The following NDUFS1 variants were observed in gnomAD, a reference collection of about 807,000 sequenced individuals.
The protein encoded by NDUFS1 is NADH-ubiquinone oxidoreductase 75 kDa subunit, mitochondrial.
Under a neutral mutation model 84.4 loss-of-function variants are expected in NDUFS1, and 61 were observed. That is an observed-to-expected ratio of 0.72 (90% CI 0.59 to 0.89). The LOEUF (loss-of-function observed/expected upper bound fraction) is 0.89. Ranked by LOEUF, NDUFS1 falls within the 40% of genes least tolerant of loss-of-function variation. NDUFS1 has a pLI of 0.00. For missense variants in NDUFS1, 891 were observed against 890.0 expected, an observed-to-expected ratio of 1.00 and a Z score of -0.01; for synonymous variants, 275 against 290.0, an observed-to-expected ratio of 0.95 and a Z score of 0.53.
In NDUFS1 at chr2:206,149,362, G is replaced by A. The variant is rs374525740; in HGVS notation, c.262-266C>T. ...TCAATGCAATTTTTTATTCTGCTCTGAAACAGAACACCAAATAACTGCTTT... is the reference window on the plus strand; with the variant it reads ...TCAATGCAATTTTTTATTCTGCTCTAAAACAGAACACCAAATAACTGCTTT... On this transcript the variant is annotated intron_variant, in intron 4 of 18. Coordinates refer to ENST00000233190, the MANE Select transcript of NDUFS1 (RefSeq NM_005006.7). Among the ~76,000 whole-genome samples, 8 of 152,054 alleles carry A rather than the reference G, an allele frequency of 5.3e-5. No homozygotes were observed. In the East Asian group the frequency reaches 5.8e-4, roughly 11 times the overall value.
Position 206,124,220 on chromosome 2 carries a change from C to A in NDUFS1, c.2149G>T (p.Gly717Cys). Residue 717 changes from glycine (G) to cysteine (C), a missense_variant, in exon 19 of 19, where the codon GGT becomes TGT. Transcript: ENST00000233190. ...GATGGTTCCTCTACTGCCTGGGCACCCTCTGTGACAGCTTTGACACATTTG... is the reference window on the plus strand; with the variant it reads ...GATGGTTCCTCTACTGCCTGGGCACACTCTGTGACAGCTTTGACACATTTG... ...MAKCVKAVTEGAQAVEEPSIC is the reference protein window; with the variant it reads ...MAKCVKAVTECAQAVEEPSIC 1 of 1,613,512 alleles carries A rather than the reference C, an allele frequency of 6.2e-7. No individual in the cohort carries two copies. Among genetic ancestry groups the A allele is most frequent in the Non-Finnish European group, 8.5e-7 (1 of 1,179,490 alleles).
At chr2:206,124,391 G>A in intron 18 of NDUFS1, 115 bp from the exon 19 acceptor site, 2 of 765,152 alleles carry the variant, frequency 2.6e-6, no homozygotes, top group Non-Finnish European at 4.5e-6. Context: ...CCCTATGCAA[G>A]TATATATAAT....
At chr2:206,143,317 G>A (rs574079659) in intron 10 of NDUFS1, among the ~76,000 whole-genome samples, 3 of 152,186 alleles carry the variant, frequency 2.0e-5, no homozygotes, top group African/African-American at 7.2e-5. Context: ...AAAAGCTGCA[G>A]AGGTGTTATG....
At chr2:206,152,232 T>C (rs1386064871) in intron 3 of NDUFS1, among the ~76,000 whole-genome samples, 187 bp downstream of exon 3, 2 of 152,204 alleles carry the variant, frequency 1.3e-5, no homozygotes, top group Admixed American at 6.5e-5. Context: ...TCACTAAAAA[T>C]GCCACAAACA....
intron 3 of NDUFS1, among the ~76,000 whole-genome samples, chr2:206,151,780 A>G (rs1201152321): frequency 1.3e-5 from 2 of 152,218 alleles, no homozygotes; most frequent in Non-Finnish European, 2.9e-5. Context: ...GTTATATGAA[A>G]ATGAAAAGCA....
intron 15 of NDUFS1, among the ~76,000 whole-genome samples, 178 bp from the exon 16 acceptor site, chr2:206,128,150 C>T (rs955954873): frequency 6.6e-6 from 1 of 152,048 alleles, no homozygotes; most frequent in African/African-American, 2.4e-5. Flanking sequence ...CCTAATTCAA[C>T]TCCCTTCCCA....
intron 5 of NDUFS1, among the ~76,000 whole-genome samples, 199 bp downstream of exon 5, chr2:206,148,821 A>C (rs1692258135): frequency 6.6e-6 from 1 of 152,172 alleles, no homozygotes; most frequent in African/African-American, 2.4e-5. Flanking sequence ...TTTAATGCTG[A>C]TCCTAAAGCT....
intron 1 of NDUFS1, chr2:206,159,047 GA>G: frequency 1.3e-6 from 2 of 1,531,480 alleles, no homozygotes; most frequent in Non-Finnish European, 1.7e-6. Flanking sequence ...CTCTGAGAGG[GA>G]AATGTCCTGA....
chr2:206,149,905 C>T lies in NDUFS1; in HGVS notation c.174G>A (p.Met58Ile). The T allele has an allele frequency of 7.4e-7, 1 of 1,358,114 alleles. No homozygotes were observed. The highest frequency in any genetic ancestry group is 1.0e-6 in the Non-Finnish European group (1 of 968,938). The allele number at this position is 1,358,114 out of a possible 1,614,324, so 84.1% of individuals were successfully genotyped here. A position where few individuals can be genotyped will look rare whatever the true frequency, so the allele number is the denominator to read the frequency against. Residue 58 changes from methionine (M) to isoleucine (I), a missense_variant, in exon 4 of 19, where the codon ATG (methionine) becomes ATA (isoleucine). Met to Ile is a conservative substitution (Grantham distance 10). Coordinates refer to ENST00000233190, the MANE Select transcript of NDUFS1 (RefSeq NM_005006.7). ...CATGATAACAGAATCGAGGGATCTG[C>T]ATGCCAACCTTCTCACAAGCCTAGA... ...TVLQACEKVG[M>I]QIPRFCYHER...
At position 206,149,107 on chromosome 2, in the gene NDUFS1, A is replaced by G; in HGVS notation, c.262-11T>C. 1.3e-6 allele frequency: 2 copies of G among 1,597,858 alleles called. No individual in the cohort carries two copies. The highest frequency in any genetic ancestry group is 2.2e-5 in the East Asian group (1 of 44,726). ...ACAAGCAGCTACAACCTGGGATTTC[A>G]ATGAAAAAAAAAAATGTGTATTTGT... On this transcript the variant is annotated splice_polypyrimidine_tract_variant and intron_variant, in intron 4 of 18. Coordinates refer to ENST00000233190, the MANE Select transcript of NDUFS1 (RefSeq NM_005006.7).
At chr2:206,150,683 T>G (rs895257020) in intron 3 of NDUFS1, among the ~76,000 whole-genome samples, 1 of 152,204 alleles carries the variant, frequency 6.6e-6, no homozygotes, top group African/African-American at 2.4e-5. Context: ...GCTGATTATG[T>G]CCAAACCTTA....
At chr2:206,147,199 T>A in intron 7 of NDUFS1, 111 bp from the exon 8 acceptor site, 10 of 1,097,976 alleles carry the variant, frequency 9.1e-6, no homozygotes, top group Non-Finnish European at 1.4e-5. Flanking sequence ...AATGAGTATA[T>A]TTTTAAAGGT....
chr2:206,157,817 T>G (rs992202109), intron 1 of NDUFS1, among the ~76,000 whole-genome samples: 1 of 152,194 alleles, frequency 6.6e-6, no homozygotes, highest in Admixed American at 6.5e-5. Context: ...TGACTAATCA[T>G]TTCTTAAACT....
In NDUFS1 at chr2:206,146,474, G is replaced by A. The variant is rs534775602; in HGVS notation, c.737+429C>T. The stretch of plus-strand genomic sequence containing the variant: ...TTTCTTGGTTTAATCAGGAGAATGA[G>A]AGATATACACAGAAATGTGTAAACA... On this transcript the variant is annotated intron_variant, in intron 8 of 18. Coordinates refer to ENST00000233190, the MANE Select transcript of NDUFS1 (RefSeq NM_005006.7). 3.3e-5 allele frequency among the ~76,000 whole-genome samples: 5 copies of A among 151,924 alleles called. No individual in the cohort carries two copies. The South Asian group carries it at 1.0e-3, about 32-fold the overall frequency.
At chr2:206,124,301 T>A in intron 18 of NDUFS1, 25 bp from the exon 19 acceptor site, 1 of 1,547,874 alleles carries the variant, frequency 6.5e-7, no homozygotes, top group Non-Finnish European at 8.9e-7. Context: ...GAAAATGTCA[T>A]TTTGATAATA....
intron 14 of NDUFS1, among the ~76,000 whole-genome samples, chr2:206,130,632 G>T (rs1390182493): frequency 1.3e-5 from 2 of 152,068 alleles, no homozygotes; most frequent in East Asian, 3.8e-4. Flanking sequence ...TGGGATTACG[G>T]GTGTGAGCCA....
At chr2:206,126,658 G>A in intron 17 of NDUFS1, 47 bp from the exon 18 acceptor site, 1 of 1,614,086 alleles carries the variant, frequency 6.2e-7, no homozygotes, top group East Asian at 2.2e-5. Context: ...AACTAGTACT[G>A]TTACACCAGT....
At chr2:206,152,353 G>A in intron 3 of NDUFS1, 66 bp downstream of exon 3, 1 of 1,158,756 alleles carries the variant, frequency 8.6e-7, no homozygotes, top group Non-Finnish European at 1.3e-6. Flanking sequence ...TCAGTATAAA[G>A]GAAATAAATT....
chr2:206,145,300 A>T (rs1209097360), intron 8 of NDUFS1, among the ~76,000 whole-genome samples: 5 of 151,946 alleles, frequency 3.3e-5, no homozygotes, highest in Non-Finnish European at 7.4e-5. Context: ...CATTTTAAAA[A>T]TTTTTTGTAG....
Sources: gnomAD v4.1 joint callset for allele counts (sites outside exome capture counted in the v4.1 genomes callset) on GRCh38, gnomAD v4.1.1 for gene constraint, MANE v1.5 for transcripts, NCBI Gene and HGNC (gene_info 2026-07-23, HGNC 2026-07-21) for gene names.